The following KCNIP4 variants were observed in gnomAD, a reference collection of about 807,000 sequenced individuals.
The protein encoded by KCNIP4 is Kv channel-interacting protein 4.
In KCNIP4, 12 loss-of-function variants were observed where a neutral mutation model predicts 34.0. The observed-to-expected ratio is 0.35, with a 90% CI of 0.23 to 0.57. The LOEUF is 0.57. KCNIP4 is among the 20% of genes least tolerant of loss of function. The pLI, the probability that KCNIP4 is intolerant of heterozygous loss-of-function variation, is 0.83. For missense variants in KCNIP4, 238 were observed against 311.7 expected (o/e 0.76, Z 1.78); for synonymous variants, 124 against 102.2 (o/e 1.21, Z -1.29).
At chr4:20,989,678 G>T (rs1157141943) in intron 1 of KCNIP4, among the ~76,000 whole-genome samples, 1 of 152,156 alleles carries the variant, frequency 6.6e-6, no homozygotes, top group African/African-American at 2.4e-5. Flanking sequence ...CACACACAAA[G>T]ACAGCATTGG....
intron 1 of KCNIP4, among the ~76,000 whole-genome samples, chr4:21,201,698 C>T (rs1316136005): frequency 6.6e-6 from 1 of 152,166 alleles, no homozygotes; most frequent in East Asian, 1.9e-4. Flanking sequence ...CAGGGTTTCA[C>T]CATGTTAGCC....
intron 1 of KCNIP4, among the ~76,000 whole-genome samples, chr4:21,791,259 T>C (rs1207139154): frequency 2.0e-5 from 3 of 152,072 alleles, no homozygotes; most frequent in Non-Finnish European, 4.4e-5. Context: ...TGAGTTATTT[T>C]GTGTGTGTGA....
rs551171725 is a variant in KCNIP4 at position 21,369,863 on chromosome 4, C to T, written c.62-487154G>A. 2.4e-4 allele frequency among the ~76,000 whole-genome samples: 35 copies of T among 144,350 alleles called. 5 individuals carry two copies. Among genetic ancestry groups the T allele is most frequent in the African/African-American group, 9.1e-4 (32 of 35,040 alleles). The allele number at this position is 144,350 out of a possible 152,430, so 94.7% of individuals were successfully genotyped here. Reference sequence around the variant, plus strand: ...TTTAGACGGAGTCTTGCTCAGTCACCCAGGCTGGAGTTCAGTGGCACCATC... The same window carrying T: ...TTTAGACGGAGTCTTGCTCAGTCACTCAGGCTGGAGTTCAGTGGCACCATC... On this transcript the variant is annotated intron_variant, in intron 1 of 8. Transcript: ENST00000382152.
intron 1 of KCNIP4, among the ~76,000 whole-genome samples, chr4:21,166,803 G>A (rs572867809): frequency 6.6e-6 from 1 of 152,150 alleles, no homozygotes; most frequent in South Asian, 2.1e-4. Flanking sequence ...GCCGGGTGTA[G>A]TGGCAGGTGC....
At chr4:21,259,968 A>G (rs12642021) in intron 1 of KCNIP4, among the ~76,000 whole-genome samples, 12,030 of 151,454 alleles carry the variant, frequency 0.079, 560 homozygotes, top group South Asian at 0.21. Context: ...CTCAAACAGG[A>G]TATTTGGAAC....
intron 1 of KCNIP4, among the ~76,000 whole-genome samples, chr4:21,691,959 A>G (rs1577855519): frequency 2.0e-5 from 3 of 151,894 alleles, no homozygotes; most frequent in Admixed American, 6.6e-5. Context: ...CAGCCTCCCA[A>G]AGTGCCGGGA....
At chr4:21,289,777 G>C (rs1475326024) in intron 1 of KCNIP4, among the ~76,000 whole-genome samples, 1 of 152,128 alleles carries the variant, frequency 6.6e-6, no homozygotes, top group African/African-American at 2.4e-5. Context: ...TGCCTAGGCA[G>C]ATGCAAGAAG....
At chr4:21,339,984 T>A (rs144767025) in intron 1 of KCNIP4, among the ~76,000 whole-genome samples, 8 of 152,298 alleles carry the variant, frequency 5.3e-5, no homozygotes, top group Admixed American at 5.2e-4. Flanking sequence ...TCTATGTAAT[T>A]TCTACATTTG....
chr4:21,766,897 T>TACTGAAATA (rs1264780223), intron 1 of KCNIP4, among the ~76,000 whole-genome samples: 1 of 152,130 alleles, frequency 6.6e-6, no homozygotes, highest in Non-Finnish European at 1.5e-5. Context: ...TTATTTTAGG[T>TACTGAAATA]ACTGAAATAT....
At chr4:21,323,675 A>G (rs1057075456) in intron 1 of KCNIP4, among the ~76,000 whole-genome samples, 1 of 152,090 alleles carries the variant, frequency 6.6e-6, no homozygotes, top group Non-Finnish European at 1.5e-5. Context: ...TGATAGACAC[A>G]TAAGTAGCTT....
intron 1 of KCNIP4, among the ~76,000 whole-genome samples, chr4:21,296,122 G>A (rs947777990): frequency 6.6e-6 from 1 of 152,120 alleles, no homozygotes; most frequent in Non-Finnish European, 1.5e-5. Context: ...AATCTTAAAT[G>A]TTGTTTACCA....
intron 1 of KCNIP4, among the ~76,000 whole-genome samples, chr4:21,910,404 G>A (rs1270292512): frequency 1.3e-5 from 2 of 152,088 alleles, no homozygotes; most frequent in Non-Finnish European, 2.9e-5. Flanking sequence ...GAAATTCTGG[G>A]TCTTTTCAAG....
chr4:20,987,861 C>T (rs931080968), intron 1 of KCNIP4, among the ~76,000 whole-genome samples: 9 of 151,210 alleles, frequency 6.0e-5, no homozygotes, highest in African/African-American at 1.5e-4. Flanking sequence ...ATTAGCCGGG[C>T]GTGGTGGTGG....
At chr4:20,957,450 A>T (rs1313325807) in intron 1 of KCNIP4, among the ~76,000 whole-genome samples, 1 of 152,182 alleles carries the variant, frequency 6.6e-6, no homozygotes, top group Non-Finnish European at 1.5e-5. Context: ...AGGGTCCAAG[A>T]CATACAGCTT....
chr4:21,034,613 G>A (rs139374855), intron 1 of KCNIP4, among the ~76,000 whole-genome samples: 323 of 152,202 alleles, frequency 2.1e-3, no homozygotes, highest in African/African-American at 7.4e-3. Flanking sequence ...AATGATGGTC[G>A]AATGATGGTT....
intron 1 of KCNIP4, among the ~76,000 whole-genome samples, chr4:21,292,572 C>A (rs1387633058): frequency 6.6e-6 from 1 of 152,122 alleles, no homozygotes; most frequent in Non-Finnish European, 1.5e-5. Context: ...CTCAGCACTG[C>A]CCGGCAATCT....
At chr4:21,710,367 G>A (rs1295889351) in intron 1 of KCNIP4, among the ~76,000 whole-genome samples, 1 of 152,126 alleles carries the variant, frequency 6.6e-6, no homozygotes, top group Non-Finnish European at 1.5e-5. Context: ...TCAGGACCCT[G>A]CCATCGTGGT....
chr4:21,420,227 C>T (rs1290403700), intron 1 of KCNIP4, among the ~76,000 whole-genome samples: 2 of 152,196 alleles, frequency 1.3e-5, no homozygotes, highest in Non-Finnish European at 2.9e-5. Flanking sequence ...TCTAATTCAA[C>T]TGTAAAACAC....
intron 1 of KCNIP4, among the ~76,000 whole-genome samples, chr4:21,573,539 C>T (rs1740509946): frequency 6.6e-6 from 1 of 151,934 alleles, no homozygotes; most frequent in Non-Finnish European, 1.5e-5. Context: ...ACAGTTTGAA[C>T]CTAATTGCTT....
Sources: allele counts gnomAD v4.1 joint callset (sites outside exome capture counted in the v4.1 genomes callset), GRCh38; gene constraint gnomAD v4.1.1; transcripts MANE v1.5; gene names NCBI Gene and HGNC (gene_info 2026-07-23, HGNC 2026-07-21).